Variants in PID1 observed in about 807,000 individuals in gnomAD.
PID1 encodes phosphotyrosine interaction domain containing 1.
A neutral mutation model predicts 19.1 loss-of-function variants in PID1; 10 were observed. The observed-to-expected ratio is 0.52, with a 90% confidence interval of 0.32 to 0.89. The LOEUF is 0.89. PID1 is among the 40% of genes least tolerant of loss of function. The probability of loss-of-function intolerance (pLI) is 0.03; values close to 1 mark genes in which losing one functional copy is unlikely to be tolerated. For missense variants in PID1, 248 were observed against 285.3 expected (o/e 0.87, Z 0.94); for synonymous variants, 130 against 116.0 (o/e 1.12, Z -0.78).
chr2:229,068,712 C>G (rs935638147), intron 2 of PID1, among the ~76,000 whole-genome samples: 1 of 152,148 alleles, frequency 6.6e-6, no homozygotes, highest in East Asian at 1.9e-4. Context: ...AAGTTATGTT[C>G]CATGGACACA....
At position 229,026,873 on chromosome 2, in the gene PID1, T is replaced by C. The variant is rs932610539; in HGVS notation, c.178-765A>G. On this transcript the variant is annotated intron_variant, in intron 2 of 2. Coordinates refer to ENST00000392055, the MANE Select transcript of PID1 (RefSeq NM_001100818.2). ...AATTCCAAACGATTCAAATACTGTCTTTTTAAAAGCGTGTTTATAATATGC... is the reference window on the plus strand; with the variant it reads ...AATTCCAAACGATTCAAATACTGTCCTTTTAAAAGCGTGTTTATAATATGC... 1.6e-4 allele frequency among the ~76,000 whole-genome samples: 24 copies of C among 152,348 alleles called. No individual in the cohort carries two copies. The South Asian group carries it at 1.9e-3, about 12-fold the overall frequency.
chr2:229,121,635 G>A (rs1162480308), intron 2 of PID1, among the ~76,000 whole-genome samples: 2 of 152,134 alleles, frequency 1.3e-5, no homozygotes, highest in Admixed American at 1.3e-4. Flanking sequence ...TGGAAAATGG[G>A]CTTATTCATT....
At chr2:229,138,995 G>GAAAGAAAGAA (rs879260628) in intron 2 of PID1, among the ~76,000 whole-genome samples, 128 of 81,256 alleles carry the variant, frequency 1.6e-3, no homozygotes, top group Non-Finnish European at 1.9e-3. Context: ...AAGAAAGAAA[G>GAAAGAAAGAA]AAAGAAAGAA....
At chr2:229,169,547 A>G (rs1245904490) in intron 1 of PID1, among the ~76,000 whole-genome samples, 2 of 152,174 alleles carry the variant, frequency 1.3e-5, no homozygotes, top group African/African-American at 2.4e-5. Flanking sequence ...GAGGAATGCT[A>G]TATGTTTGGC....
At chr2:229,212,141 G>A (rs1025695603) in intron 1 of PID1, among the ~76,000 whole-genome samples, 1 of 152,112 alleles carries the variant, frequency 6.6e-6, no homozygotes, top group Non-Finnish European at 1.5e-5. Flanking sequence ...TTGCATTTTT[G>A]GAGGGAGGGG....
At chr2:229,249,034 C>T (rs1453618727) in intron 1 of PID1, among the ~76,000 whole-genome samples, 1 of 152,174 alleles carries the variant, frequency 6.6e-6, no homozygotes, top group Non-Finnish European at 1.5e-5. Context: ...CACCAGAAAA[C>T]AGATGCAACT....
intron 1 of PID1, among the ~76,000 whole-genome samples, chr2:229,249,202 T>C (rs1345285378): frequency 6.6e-6 from 1 of 152,224 alleles, no homozygotes. Context: ...ATCTGCAATG[T>C]ATAATATCTT....
chr2:229,225,240 G>A (rs1369764396), intron 1 of PID1, among the ~76,000 whole-genome samples: 1 of 152,128 alleles, frequency 6.6e-6, no homozygotes, highest in East Asian at 1.9e-4. Flanking sequence ...GTAAAATGGA[G>A]ATTGTAGTGG....
At chr2:229,035,349 C>G (rs1478444516) in intron 2 of PID1, among the ~76,000 whole-genome samples, 2 of 152,162 alleles carry the variant, frequency 1.3e-5, no homozygotes, top group Non-Finnish European at 2.9e-5. Context: ...GATCTCCTGT[C>G]TGCCCACCTT....
chr2:229,238,410 T>C (rs975955324), intron 1 of PID1, among the ~76,000 whole-genome samples: 1 of 152,146 alleles, frequency 6.6e-6, no homozygotes, highest in Non-Finnish European at 1.5e-5. Flanking sequence ...CAAAGATAAA[T>C]TGGTCAGTGA....
chr2:229,196,577 A>C lies in PID1; in HGVS notation c.31-40613T>G, dbSNP rs572290476. 2.0e-5 allele frequency among the ~76,000 whole-genome samples: 3 copies of C among 152,240 alleles called. No homozygotes were observed. In the East Asian group the frequency reaches 5.8e-4, roughly 29 times the overall value. On this transcript the variant is annotated intron_variant, in intron 1 of 2. Coordinates refer to ENST00000392055, the MANE Select transcript of PID1 (RefSeq NM_001100818.2). Reference sequence around the variant, plus strand: ...TCAGTTACAACAATGCATGTAAATCAGTCAAATTATCTTGTTAAAGCTTCT... The same window carrying C: ...TCAGTTACAACAATGCATGTAAATCCGTCAAATTATCTTGTTAAAGCTTCT...
chr2:229,177,633 T>C (rs1690851517), intron 1 of PID1, among the ~76,000 whole-genome samples: 1 of 152,182 alleles, frequency 6.6e-6, no homozygotes, highest in Non-Finnish European at 1.5e-5. Flanking sequence ...CTACAGATTG[T>C]TGTTTTAGAC....
chr2:229,025,851 G>A lies in PID1; in HGVS notation c.435C>T (p.Asn145=), dbSNP rs146933858. 39 of 1,614,260 alleles carry A rather than the reference G, an allele frequency of 2.4e-5. No individual in the cohort carries two copies. In the African/African-American group the frequency reaches 4.9e-4, roughly 20 times the overall value. ...TCTCCCTGTAGACCCAGGCGAAGAT[G>A]TTGGGGCTCACGTTGTGGTCGGCGG... The part of the protein sequence containing the change: ...YCTADHNVSP[N]IFAWVYREIN... The change falls in exon 3 of 3, where the codon AAC becomes AAT. Residue 145 remains asparagine (N), a synonymous_variant. Coordinates refer to ENST00000392055, the MANE Select transcript of PID1 (RefSeq NM_001100818.2).
intron 2 of PID1, among the ~76,000 whole-genome samples, chr2:229,130,403 G>A (rs1689705801): frequency 6.6e-6 from 1 of 152,224 alleles, no homozygotes; most frequent in Non-Finnish European, 1.5e-5. Flanking sequence ...TGCCTTTCTG[G>A]AAAGTTCTGA....
intron 2 of PID1, among the ~76,000 whole-genome samples, chr2:229,046,338 A>C (rs957554201): frequency 6.8e-6 from 1 of 146,628 alleles, no homozygotes; most frequent in African/African-American, 2.6e-5. Flanking sequence ...AGCATCCCTA[A>C]ATTAGGAAAG....
intron 1 of PID1, among the ~76,000 whole-genome samples, chr2:229,250,260 A>G (rs1004508964): frequency 6.6e-6 from 1 of 152,338 alleles, no homozygotes; most frequent in Admixed American, 6.5e-5. Context: ...AAAATTCCCA[A>G]CTTCTGAGTA....
At chr2:229,027,892 C>T (rs971515035) in intron 2 of PID1, among the ~76,000 whole-genome samples, 1 of 151,948 alleles carries the variant, frequency 6.6e-6, no homozygotes, top group African/African-American at 2.4e-5. Flanking sequence ...ATCGGGGCGT[C>T]GTTGCTCCTC....
intron 2 of PID1, among the ~76,000 whole-genome samples, chr2:229,103,070 C>T (rs1695105382): frequency 6.6e-6 from 1 of 152,196 alleles, no homozygotes; most frequent in Non-Finnish European, 1.5e-5. Flanking sequence ...TTAACCTCTT[C>T]CGGGCAAAGG....
intron 2 of PID1, among the ~76,000 whole-genome samples, chr2:229,147,006 GA>G (rs1377912712): frequency 6.6e-6 from 1 of 152,176 alleles, no homozygotes; most frequent in Non-Finnish European, 1.5e-5. Flanking sequence ...CTCTATGAGA[GA>G]GTAAATTTCT....
Sources: allele counts gnomAD v4.1 joint callset (sites outside exome capture counted in the v4.1 genomes callset), GRCh38; gene constraint gnomAD v4.1.1; transcripts MANE v1.5; gene names NCBI Gene and HGNC (gene_info 2026-07-23, HGNC 2026-07-21).